Variants in GTF3C3 observed in about 807,000 individuals in gnomAD.
GTF3C3 encodes general transcription factor 3C polypeptide 3.
Under a neutral mutation model 105.2 loss-of-function variants are expected in GTF3C3, and 75 were observed. The observed-to-expected ratio is 0.71, with a 90% CI of 0.59 to 0.86. The LOEUF (loss-of-function observed/expected upper bound fraction) is 0.86, where lower values mean the gene tolerates loss of function less well. GTF3C3 is among the 40% of genes least tolerant of loss of function. The probability of loss-of-function intolerance (pLI) is 0.00; values close to 1 mark genes in which losing one functional copy is unlikely to be tolerated. For missense variants in GTF3C3, 856 were observed against 1,076.5 expected, an observed-to-expected ratio of 0.80 and a Z score of 2.87; for synonymous variants, 335 against 370.4, an observed-to-expected ratio of 0.90 and a Z score of 1.10.
intron 8 of GTF3C3, among the ~76,000 whole-genome samples, chr2:196,783,001 A>G (rs2125746481): frequency 6.6e-6 from 1 of 152,330 alleles, no homozygotes; most frequent in Non-Finnish European, 1.5e-5. Flanking sequence ...GAATTTAAAA[A>G]TGTGACTGTC....
In GTF3C3 at chr2:196,786,298, T is replaced by C. The variant is rs760933101; in HGVS notation, c.894-710A>G. On this transcript the variant is annotated intron_variant, in intron 6 of 17. Transcript: ENST00000263956. The surrounding 1 kb of genome is among the most constrained non-coding windows in gnomAD (Gnocchi z 4.2). ...GCATTTCTGACAAGCTTCCAGGTGA[T>C]ACAAATACTGCCAGTCTGTGGGGCA... Among the ~76,000 whole-genome samples the C allele has an allele frequency of 6.6e-6, 1 of 152,314 alleles. No individual in the cohort carries two copies. The highest frequency in any genetic ancestry group is 1.9e-4 in the East Asian group (1 of 5,182).
At chr2:196,768,966 C>T (rs561345082) in intron 16 of GTF3C3, among the ~76,000 whole-genome samples, 4 of 152,132 alleles carry the variant, frequency 2.6e-5, no homozygotes, top group East Asian at 1.9e-4. Flanking sequence ...ATGAGCACTA[C>T]GTTTAATTTA....
At chr2:196,766,453 A>C in intron 17 of GTF3C3, 112 bp downstream of exon 17, 2 of 787,070 alleles carry the variant, frequency 2.5e-6, no homozygotes, top group South Asian at 4.3e-5. Context: ...ATACTGAATA[A>C]GAGAAAATAC....
In GTF3C3 at chr2:196,775,034, T is replaced by A. The variant is rs754592226; in HGVS notation, c.1831+82A>T. 4 of 920,728 alleles carry A rather than the reference T, an allele frequency of 4.3e-6. No homozygotes were observed. The Admixed American group carries it at 1.1e-4, about 25-fold the overall frequency. 57.0% of individuals were successfully genotyped at this position (920,728 alleles called of 1,614,324 possible). ...TTTATTTGAAAAGTATATTTTCAAT[T>A]AGATTGCTGTCCAGTGTTACTTCAT... On this transcript the variant is annotated intron_variant, in intron 13 of 17. Transcript: ENST00000263956.
chr2:196,785,473 T>C lies in GTF3C3; in HGVS notation c.1009A>G (p.Ile337Val), dbSNP rs150381385. The change falls in exon 7 of 18, where the codon ATT becomes GTT. Residue 337 changes from isoleucine (I) to valine (V), a missense_variant. By Grantham distance (29) the Ile-to-Val change is conservative. This residue lies in a region of GTF3C3 where 605 missense variants were observed against 833.6 expected (regional missense o/e 0.73). Transcript: ENST00000263956. ...EDVNIAAELY[I>V]SNKQYDKALE... is the part of the protein sequence containing the mutation. ...GCTTTGTCATACTGTTTGTTAGAAATATATAGTTCAGCTGCTATGTTAACA... is the reference window on the plus strand; with the variant it reads ...GCTTTGTCATACTGTTTGTTAGAAACATATAGTTCAGCTGCTATGTTAACA... 1.2e-5 allele frequency: 19 copies of C among 1,609,086 alleles called. No homozygotes were observed. The highest frequency in any genetic ancestry group is 1.5e-5 in the Non-Finnish European group (18 of 1,177,236).
At chr2:196,767,698 C>T (rs900993558) in intron 16 of GTF3C3, among the ~76,000 whole-genome samples, 1 of 152,128 alleles carries the variant, frequency 6.6e-6, no homozygotes, top group Non-Finnish European at 1.5e-5. Context: ...AGACACAGCT[C>T]TCTTAAGTAC....
At chr2:196,797,013 T>G (rs1296990193) in intron 2 of GTF3C3, among the ~76,000 whole-genome samples, 1 of 152,212 alleles carries the variant, frequency 6.6e-6, no homozygotes, top group Non-Finnish European at 1.5e-5. Flanking sequence ...CTGTTCTCTG[T>G]GTAAACACTT....
intron 15 of GTF3C3, 21 bp downstream of exon 15, chr2:196,771,727 G>A: frequency 1.3e-6 from 2 of 1,558,050 alleles, no homozygotes; most frequent in Non-Finnish European, 8.9e-7. Flanking sequence ...GCTTGACAAA[G>A]TCACGTGCCA....
rs1273734387 is a variant in GTF3C3 at position 196,776,194 on chromosome 2, AAAAC to A, written c.1594-87_1594-84del. 4.9e-6 allele frequency: 4 copies of A among 813,450 alleles called. No homozygotes were observed. The highest frequency in any genetic ancestry group is 3.8e-5 in the South Asian group (2 of 52,608). 50.4% of individuals were successfully genotyped at this position (813,450 alleles called of 1,614,324 possible). A position where few individuals can be genotyped will look rare whatever the true frequency, so the allele number is the denominator to read the frequency against. ...TTATTTGCATAGAAACATTTTTAAA[AAAAC>A]AAACCATATTGCTTTATGGTCTTTC... On this transcript the variant is annotated intron_variant, in intron 11 of 17. Coordinates refer to ENST00000263956, the MANE Select transcript of GTF3C3 (RefSeq NM_012086.5). This position sits in a 1 kb window ranked among gnomAD's most constrained non-coding sequence, Gnocchi z 4.5.
At chr2:196,798,328 C>T (rs553609017) in intron 1 of GTF3C3, among the ~76,000 whole-genome samples, 13 of 151,912 alleles carry the variant, frequency 8.6e-5, no homozygotes, top group South Asian at 8.4e-4. Context: ...AGTTTGAGAC[C>T]GGCCTGGGCA....
intron 15 of GTF3C3, 26 bp downstream of exon 15, chr2:196,771,717 GCTTGA>G: frequency 6.7e-7 from 1 of 1,489,796 alleles, no homozygotes; most frequent in Non-Finnish European, 9.4e-7. Context: ...CACTATTTAT[GCTTGA>G]CAAAGTCACG....
In GTF3C3 at chr2:196,772,090, C is replaced by T. The variant is rs1699184782; in HGVS notation, c.2070-152G>A. ...TAGTTTCAATCTATTTAAAGCAAAA[C>T]TCTCCTACGCAATAAAAGATTTTTC... is the stretch of plus-strand genomic sequence containing the variant. On this transcript the variant is annotated intron_variant, in intron 14 of 17. Coordinates refer to ENST00000263956, the MANE Select transcript of GTF3C3 (RefSeq NM_012086.5). The T allele has an allele frequency of 6.8e-6, 4 of 587,920 alleles. No homozygotes were observed. In the Admixed American group the frequency reaches 1.2e-4, roughly 17 times the overall value. The allele number at this position is 587,920 out of a possible 1,614,324, so 36.4% of individuals were successfully genotyped here. A position where few individuals can be genotyped will look rare whatever the true frequency, so the allele number is the denominator to read the frequency against.
intron 3 of GTF3C3, chr2:196,791,709 G>GCGGAT: frequency 3.0e-6 from 1 of 334,874 alleles, no homozygotes; most frequent in African/African-American, 2.1e-5. Context: ...GCTGAAGCAG[G>GCGGAT]CGGATCACCT....
At chr2:196,765,788 A>G (rs1355961183) in intron 17 of GTF3C3, among the ~76,000 whole-genome samples, 3 of 151,708 alleles carry the variant, frequency 2.0e-5, no homozygotes, top group African/African-American at 4.8e-5. Flanking sequence ...AGGCGGGCGG[A>G]TCACAAGGTC....
At chr2:196,797,331 T>C (rs974058385) in intron 2 of GTF3C3, among the ~76,000 whole-genome samples, 2 of 152,218 alleles carry the variant, frequency 1.3e-5, no homozygotes, top group Non-Finnish European at 2.9e-5. Context: ...TAGAATGAGG[T>C]AGCCTACCAA....
intron 15 of GTF3C3, among the ~76,000 whole-genome samples, chr2:196,771,046 C>T (rs919704511): frequency 2.0e-5 from 3 of 152,136 alleles, no homozygotes; most frequent in Non-Finnish European, 4.4e-5. Flanking sequence ...GGTAGTAAGA[C>T]ATGCATGCCT....
chr2:196,799,671 C>T lies in GTF3C3; in HGVS notation c.-60G>A. 7.9e-7 allele frequency: 1 copy of T among 1,259,872 alleles called. No individual in the cohort carries two copies. The highest frequency in any genetic ancestry group is 1.2e-6 in the Non-Finnish European group (1 of 861,220). 78.0% of individuals were successfully genotyped at this position (1,259,872 alleles called of 1,614,324 possible). A position where few individuals can be genotyped will look rare whatever the true frequency, so the allele number is the denominator to read the frequency against. ...GGGACAGAGAACCGGAAGAGCAGCGCCTTCCAGAAGCTACCTCGCCGGGGC... is the reference window on the plus strand; with the variant it reads ...GGGACAGAGAACCGGAAGAGCAGCGTCTTCCAGAAGCTACCTCGCCGGGGC... On this transcript the variant is annotated 5_prime_UTR_variant, in exon 1 of 18. Transcript: ENST00000263956.
At chr2:196,798,862 C>CAAAAA (rs71410624) in intron 1 of GTF3C3, among the ~76,000 whole-genome samples, 14 of 83,668 alleles carry the variant, frequency 1.7e-4, no homozygotes, top group Non-Finnish European at 2.6e-4. Flanking sequence ...AACTCCGTCT[C>CAAAAA]AAAAAAAAAA....
chr2:196,797,840 T>C lies in GTF3C3; in HGVS notation c.171A>G (p.Ser57=). 6.2e-7 allele frequency: 1 copy of C among 1,611,868 alleles called. No homozygotes were observed. Among genetic ancestry groups the C allele is most frequent in the Non-Finnish European group, 8.5e-7 (1 of 1,177,902 alleles). ...CTTGGGATTTGGTAGAGTTAATTCC[T>C]GATGATGATGGAACTTCAGAGTCAT... ...NPDDSEVPSS[S]GINSTKSQDK... Residue 57 remains serine (S), a synonymous_variant, in exon 2 of 18, where the codon TCA becomes TCG. Coordinates refer to ENST00000263956, the MANE Select transcript of GTF3C3 (RefSeq NM_012086.5).
Sources: allele counts gnomAD v4.1 joint callset (sites outside exome capture counted in the v4.1 genomes callset), GRCh38; gene constraint gnomAD v4.1.1; regional missense constraint gnomAD v4.1.1; non-coding constraint Gnocchi (gnomAD v3.1); transcripts MANE v1.5; gene names NCBI Gene and HGNC (gene_info 2026-07-23, HGNC 2026-07-21).